Variants in DYM observed in about 807,000 individuals in gnomAD.
DYM encodes dymeclin, also known as dyggve-Melchior-Clausen syndrome protein.
Under a neutral mutation model 93.1 loss-of-function variants are expected in DYM, and 78 were observed. The ratio of observed to expected loss-of-function variants is 0.84; its 90% CI spans 0.70 to 1.01. The LOEUF is 1.01. Among genes scored for constraint, DYM ranks in the 50% least tolerant of loss-of-function variants. The pLI is 0.00. For synonymous variants in DYM, 321 were observed against 319.7 expected, an observed-to-expected ratio of 1.00 and a Z score of -0.04; for missense variants, 789 against 845.0, an observed-to-expected ratio of 0.93 and a Z score of 0.82.
intron 14 of DYM, among the ~76,000 whole-genome samples, chr18:49,167,792 T>C (rs2088099709): frequency 6.6e-6 from 1 of 152,198 alleles, no homozygotes; most frequent in Non-Finnish European, 1.5e-5. Context: ...CTGGGATCTA[T>C]TTGCTAGAAT....
At chr18:49,081,141 G>A (rs994021976) in intron 17 of DYM, among the ~76,000 whole-genome samples, 6 of 150,930 alleles carry the variant, frequency 4.0e-5, no homozygotes, top group African/African-American at 1.5e-4. Context: ...ACTTTGGGAG[G>A]CCAAGGCAGG....
At chr18:49,365,157 CAA>C (rs35363196) in intron 5 of DYM, among the ~76,000 whole-genome samples, 2 of 144,282 alleles carry the variant, frequency 1.4e-5, no homozygotes, top group South Asian at 2.2e-4. Flanking sequence ...CTTGGAGTCT[CAA>C]AAAAAAAAAG....
chr18:49,376,602 G>A (rs946654173), intron 5 of DYM, among the ~76,000 whole-genome samples: 2 of 152,154 alleles, frequency 1.3e-5, no homozygotes, highest in Non-Finnish European at 2.9e-5. Context: ...GCATTGCTAT[G>A]AGGCAGTAGT....
At chr18:49,159,857 A>T (rs576763759) in intron 15 of DYM, among the ~76,000 whole-genome samples, 1 of 152,352 alleles carries the variant, frequency 6.6e-6, no homozygotes, top group South Asian at 2.1e-4. Context: ...AACAAAGCTT[A>T]TATGGTACAG....
At chr18:49,420,763 C>T (rs1002635955) in intron 2 of DYM, among the ~76,000 whole-genome samples, 11 of 152,098 alleles carry the variant, frequency 7.2e-5, no homozygotes, top group African/African-American at 2.7e-4. Flanking sequence ...CTTTCCTAGC[C>T]AAGGGAAGCC....
chr18:49,183,553 T>A (rs897744435), intron 14 of DYM, among the ~76,000 whole-genome samples: 2 of 152,148 alleles, frequency 1.3e-5, no homozygotes, highest in Non-Finnish European at 2.9e-5. Flanking sequence ...TAGAAAAATA[T>A]TTACCACATT....
chr18:49,350,091 T>A (rs7506911), intron 6 of DYM, among the ~76,000 whole-genome samples: 1 of 152,038 alleles, frequency 6.6e-6, no homozygotes, highest in East Asian at 1.9e-4. Context: ...GGAATAAATT[T>A]TTACCAAATT....
At chr18:49,143,525 C>T (rs924687418) in intron 15 of DYM, among the ~76,000 whole-genome samples, 4 of 151,932 alleles carry the variant, frequency 2.6e-5, no homozygotes, top group East Asian at 1.9e-4. Context: ...TTTGGCAAGC[C>T]GGATATTGGT....
At chr18:49,291,269 G>T (rs1470315582) in intron 8 of DYM, among the ~76,000 whole-genome samples, 10 of 152,206 alleles carry the variant, frequency 6.6e-5, no homozygotes, top group Non-Finnish European at 1.3e-4. Flanking sequence ...AACACAGGCA[G>T]ATACTTTTTA....
rs565674122 is a variant in DYM at position 49,037,445 on chromosome 18, G to C, written c.*6610C>G. Among the ~76,000 whole-genome samples the C allele has an allele frequency of 1.8e-4, 28 of 152,114 alleles. No homozygotes were observed. Among genetic ancestry groups the C allele is most frequent in the Non-Finnish European group, 2.4e-4 (16 of 68,034 alleles). ...AACGAGGGAGGAAGGGAAGGAGAGA[G>C]GGAAGCAAGTGCTGAAAAACTTTCT... On this transcript the variant is annotated 3_prime_UTR_variant, in exon 18 of 18. Coordinates refer to ENST00000675505, the MANE Select transcript of DYM (RefSeq NM_001353214.3).
intron 2 of DYM, among the ~76,000 whole-genome samples, chr18:49,418,211 T>C (rs893709584): frequency 1.3e-5 from 2 of 152,174 alleles, no homozygotes; most frequent in Non-Finnish European, 2.9e-5. Flanking sequence ...ATGATAAGCA[T>C]GACACACGAT....
intron 13 of DYM, among the ~76,000 whole-genome samples, chr18:49,224,042 A>C (rs753643902): frequency 3.9e-5 from 6 of 152,024 alleles, no homozygotes; most frequent in Non-Finnish European, 5.9e-5. Flanking sequence ...CCTGTTAAAG[A>C]GTTACTGCAG....
chr18:49,386,311 T>C lies in DYM; in HGVS notation c.193+5282A>G, dbSNP rs375317289. ...AAGAATTCTATATCTAGAAAAACTA[T>C]CCTTTGAAAATGAAGGGATCAGGAG... On this transcript the variant is annotated intron_variant, in intron 3 of 17. Coordinates refer to ENST00000675505, the MANE Select transcript of DYM (RefSeq NM_001353214.3). 1.8e-4 allele frequency among the ~76,000 whole-genome samples: 28 copies of C among 152,246 alleles called. No homozygotes were observed. In the East Asian group the frequency reaches 3.3e-3, roughly 18 times the overall value.
Position 49,118,881 on chromosome 18 carries a change from C to T in DYM, c.1774G>A (p.Glu592Lys). ...VIEEVIRMML[E>K]IINSCLTNSL... ...TTTGTCAGGCAGGAGTTGATGATCT[C>T]TAACATCATTCGAATCACTTCTTCA... The change falls in exon 16 of 18, where the codon GAG (glutamate) becomes AAG (lysine). Residue 592 changes from glutamate (E) to lysine (K), a missense_variant. By Grantham distance (56) the Glu-to-Lys change is moderately conservative. This residue lies in a region of DYM where 225 missense variants were observed against 303.0 expected (regional missense o/e 0.74). Transcript: ENST00000675505. 6.2e-7 allele frequency: 1 copy of T among 1,614,026 alleles called. No homozygotes were observed. Among genetic ancestry groups the T allele is most frequent in the Non-Finnish European group, 8.5e-7 (1 of 1,179,978 alleles).
chr18:49,263,344 C>T (rs2094519305), intron 11 of DYM, among the ~76,000 whole-genome samples: 1 of 151,708 alleles, frequency 6.6e-6, no homozygotes, highest in African/African-American at 2.4e-5. Flanking sequence ...GTCTCAAACT[C>T]CTGACCTCAC....
intron 1 of DYM, among the ~76,000 whole-genome samples, chr18:49,457,174 C>G (rs556926060): frequency 1.3e-5 from 2 of 152,304 alleles, no homozygotes; most frequent in South Asian, 2.1e-4. Context: ...GTAGTTCATT[C>G]TGCCTGAAGA....
intron 8 of DYM, among the ~76,000 whole-genome samples, chr18:49,292,765 T>C (rs894614937): frequency 7.2e-5 from 11 of 152,048 alleles, no homozygotes; most frequent in Non-Finnish European, 1.6e-4. Flanking sequence ...CTAAAATCCA[T>C]CTAACTAAAA....
At chr18:49,265,216 G>T (rs1165051141) in intron 11 of DYM, among the ~76,000 whole-genome samples, 1 of 152,152 alleles carries the variant, frequency 6.6e-6, no homozygotes, top group African/African-American at 2.4e-5. Context: ...GGTCAATGAT[G>T]GATGATAAAG....
chr18:49,390,860 C>G (rs1351600375), intron 3 of DYM: 1 of 153,172 alleles, frequency 6.5e-6, no homozygotes, highest in Non-Finnish European at 1.5e-5. Context: ...TTCCTGTACC[C>G]TAGGTATTTC....
Sources: allele counts gnomAD v4.1 joint callset (sites outside exome capture counted in the v4.1 genomes callset), GRCh38; gene constraint gnomAD v4.1.1; regional missense constraint gnomAD v4.1.1; transcripts MANE v1.5; gene names NCBI Gene and HGNC (gene_info 2026-07-23, HGNC 2026-07-21).